Variants in PPM1L observed in about 807,000 individuals in gnomAD.
PPM1L encodes the protein protein phosphatase, Mg2+/Mn2+ dependent 1L.
PPM1L carries 13 observed loss-of-function variants against 31.4 expected under a neutral mutation model. The ratio of observed to expected loss-of-function variants is 0.41; its 90% CI spans 0.27 to 0.66. PPM1L has a LOEUF of 0.66. Among genes scored for constraint, PPM1L ranks in the 30% least tolerant of loss-of-function variants. The pLI, the probability that PPM1L is intolerant of heterozygous loss-of-function variation, is 0.29. For synonymous variants in PPM1L, 184 were observed against 175.4 expected (o/e 1.05, Z -0.39); for missense variants, 326 against 453.7 (o/e 0.72, Z 2.56).
intron 1 of PPM1L, among the ~76,000 whole-genome samples, chr3:160,849,522 G>A (rs1353868788): frequency 1.3e-5 from 2 of 151,824 alleles, no homozygotes; most frequent in African/African-American, 4.8e-5. Flanking sequence ...CCGGGTTCAT[G>A]CCATTCTCCT....
intron 2 of PPM1L, among the ~76,000 whole-genome samples, chr3:161,019,920 C>G (rs555391463): frequency 1.3e-5 from 2 of 152,012 alleles, no homozygotes; most frequent in Admixed American, 1.3e-4. Flanking sequence ...GTCAGGAGAT[C>G]GAGACCATCC....
In PPM1L at chr3:160,981,943, T is replaced by A. The variant is rs1415751915; in HGVS notation, c.574+20033T>A. Among the ~76,000 whole-genome samples the A allele has an allele frequency of 3.9e-5, 6 of 151,948 alleles. No homozygotes were observed. In the East Asian group the frequency reaches 1.2e-3, roughly 29 times the overall value. Reference sequence around the variant, plus strand: ...ACACCCAGCTAATTATTTTTGTATTTTTAGTAGAGACGGGGTTTCACCACG... The same window carrying A: ...ACACCCAGCTAATTATTTTTGTATTATTAGTAGAGACGGGGTTTCACCACG... On this transcript the variant is annotated intron_variant, in intron 2 of 3. Transcript: ENST00000498165.
At chr3:160,930,132 C>G (rs527276655) in intron 1 of PPM1L, among the ~76,000 whole-genome samples, 8 of 152,220 alleles carry the variant, frequency 5.3e-5, no homozygotes, top group African/African-American at 1.9e-4. Flanking sequence ...TGGGTTAGGG[C>G]TTTTTAGAAC....
At chr3:161,035,082 CAG>C (rs971973745) in intron 2 of PPM1L, among the ~76,000 whole-genome samples, 7 of 148,952 alleles carry the variant, frequency 4.7e-5, no homozygotes, top group Admixed American at 1.3e-4. Context: ...TGAGGCCTGT[CAG>C]GGGGTGGGGG....
At chr3:161,065,943 T>C (rs16831850) in intron 3 of PPM1L, among the ~76,000 whole-genome samples, 5,654 of 152,330 alleles carry the variant, frequency 0.037, 294 homozygotes, top group African/African-American at 0.098. Flanking sequence ...CTGTTCTGGG[T>C]CACAATTACT....
chr3:160,883,542 G>C (rs1027209191), intron 1 of PPM1L, among the ~76,000 whole-genome samples: 3 of 152,120 alleles, frequency 2.0e-5, no homozygotes, highest in South Asian at 4.1e-4. Flanking sequence ...TCTACAAACC[G>C]AAGACAGAGT....
chr3:160,934,573 A>C (rs1255282184), intron 1 of PPM1L, among the ~76,000 whole-genome samples: 3 of 152,216 alleles, frequency 2.0e-5, no homozygotes, highest in Non-Finnish European at 2.9e-5. Flanking sequence ...GTAATGATAT[A>C]CATCATTATT....
intron 1 of PPM1L, among the ~76,000 whole-genome samples, chr3:160,785,088 C>A (rs1462339121): frequency 6.6e-6 from 1 of 152,076 alleles, no homozygotes; most frequent in Non-Finnish European, 1.5e-5. Context: ...TTATCCAGTC[C>A]ATTTTTTTCC....
intron 1 of PPM1L, among the ~76,000 whole-genome samples, chr3:160,920,532 C>T (rs1026998359): frequency 6.7e-6 from 1 of 150,048 alleles, no homozygotes. Flanking sequence ...CAAGGATAGA[C>T]GGTATATTTC....
chr3:161,020,171 T>A, intron 2 of PPM1L, among the ~76,000 whole-genome samples: 1 of 150,876 alleles, frequency 6.6e-6, no homozygotes, highest in East Asian at 2.0e-4. Flanking sequence ...AAACAAGACA[T>A]CTCCTAACTC....
intron 1 of PPM1L, among the ~76,000 whole-genome samples, chr3:160,847,696 C>A (rs1714125258): frequency 6.6e-6 from 1 of 152,068 alleles, no homozygotes; most frequent in Non-Finnish European, 1.5e-5. Context: ...AAAGCAAAAA[C>A]CTCAGAAACA....
intron 1 of PPM1L, among the ~76,000 whole-genome samples, chr3:160,801,373 G>T (rs1560110364): frequency 6.6e-6 from 1 of 152,174 alleles, no homozygotes; most frequent in Non-Finnish European, 1.5e-5. Context: ...AGCGAAATTT[G>T]TTAAGTAAAT....
chr3:160,952,188 C>T (rs187595655), intron 1 of PPM1L, among the ~76,000 whole-genome samples: 358 of 152,302 alleles, frequency 2.4e-3, no homozygotes, highest in African/African-American at 8.3e-3. Flanking sequence ...TGTTCTCTTC[C>T]TGGTGGGCAA....
chr3:161,031,502 C>CTTTTTTTTTTTTTTTT (rs760907219), intron 2 of PPM1L, among the ~76,000 whole-genome samples: 3,606 of 101,130 alleles, frequency 0.036, 540 homozygotes, highest in East Asian at 0.074. Flanking sequence ...GTATTCTGTC[C>CTTTTTTTTTTTTTTTT]TTTTTTTTTT....
At chr3:160,954,094 G>A (rs547266224) in intron 1 of PPM1L, among the ~76,000 whole-genome samples, 4 of 152,086 alleles carry the variant, frequency 2.6e-5, no homozygotes, top group East Asian at 1.9e-4. Flanking sequence ...CTGTATAACC[G>A]AGGATAAGTT....
chr3:161,009,581 C>T (rs947833202), intron 2 of PPM1L, among the ~76,000 whole-genome samples: 1 of 152,282 alleles, frequency 6.6e-6, no homozygotes, highest in Non-Finnish European at 1.5e-5. Flanking sequence ...AGCCTCTCTG[C>T]AGCCTCTTAA....
At chr3:160,928,151 A>G (rs1714663245) in intron 1 of PPM1L, among the ~76,000 whole-genome samples, 1 of 152,220 alleles carries the variant, frequency 6.6e-6, no homozygotes, top group South Asian at 2.1e-4. Context: ...TCTGGCTTCC[A>G]TAGACAGCTA....
At chr3:160,937,061 T>G (rs1274521743) in intron 1 of PPM1L, among the ~76,000 whole-genome samples, 1 of 138,620 alleles carries the variant, frequency 7.2e-6, no homozygotes, top group African/African-American at 3.1e-5. Context: ...GTGAACATTT[T>G]TATTATATTC....
intron 1 of PPM1L, among the ~76,000 whole-genome samples, chr3:160,894,253 ATTGG>A (rs1713259309): frequency 6.6e-6 from 1 of 152,202 alleles, no homozygotes; most frequent in South Asian, 2.1e-4. Context: ...GATTTAGACC[ATTGG>A]TTTCTGTTTC....
Sources: allele counts gnomAD v4.1 joint callset (sites outside exome capture counted in the v4.1 genomes callset), GRCh38; gene constraint gnomAD v4.1.1; transcripts MANE v1.5; gene names NCBI Gene and HGNC (gene_info 2026-07-23, HGNC 2026-07-21).